The following IQCM variants were observed in gnomAD, a reference collection of about 807,000 sequenced individuals.
IQCM encodes IQ domain-containing protein M.
A neutral mutation model predicts 57.6 loss-of-function variants in IQCM; 45 were observed. The observed-to-expected ratio is 0.78, with a 90% CI of 0.62 to 1.00. The LOEUF is 1.00. IQCM is among the 50% of genes least tolerant of loss of function. The pLI is 0.00. For missense variants in IQCM, 468 were observed against 511.6 expected (o/e 0.91, Z 0.82); for synonymous variants, 148 against 158.9 (o/e 0.93, Z 0.51).
chr4:149,785,833 A>C (rs1159484118), intron 2 of IQCM, among the ~76,000 whole-genome samples: 1 of 151,470 alleles, frequency 6.6e-6, no homozygotes, highest in Non-Finnish European at 1.5e-5. Flanking sequence ...AAAAAAAAAA[A>C]ATCTTAGCCC....
chr4:149,439,134 G>A (rs1735656107), intron 12 of IQCM, among the ~76,000 whole-genome samples: 1 of 151,934 alleles, frequency 6.6e-6, no homozygotes, highest in Non-Finnish European at 1.5e-5. Context: ...TTGTGCTGTT[G>A]ATACATACCT....
At chr4:149,549,365 A>T (rs990975907) in intron 11 of IQCM, among the ~76,000 whole-genome samples, 3 of 151,894 alleles carry the variant, frequency 2.0e-5, no homozygotes, top group Non-Finnish European at 4.4e-5. Flanking sequence ...AATACAAAAA[A>T]AAATTAGCCG....
intron 5 of IQCM, among the ~76,000 whole-genome samples, chr4:149,720,684 C>G (rs1765372370): frequency 6.6e-6 from 1 of 152,064 alleles, no homozygotes; most frequent in African/African-American, 2.4e-5. Flanking sequence ...AAGAAAATTC[C>G]TGACAAGAAA....
intron 2 of IQCM, among the ~76,000 whole-genome samples, chr4:149,765,026 G>A (rs367614115): frequency 2.0e-4 from 31 of 152,064 alleles, no homozygotes; most frequent in African/African-American, 5.3e-4. Context: ...AGTTGACAGC[G>A]CTAGACATAG....
At chr4:149,780,546 T>TATATATATATATATAA (rs59087898) in intron 2 of IQCM, among the ~76,000 whole-genome samples, 27 of 150,978 alleles carry the variant, frequency 1.8e-4, no homozygotes, top group East Asian at 9.7e-4. Context: ...TATATATATA[T>TATATATATATATATAA]AAAACATATT....
At chr4:149,623,592 G>A (rs1043216945) in intron 7 of IQCM, among the ~76,000 whole-genome samples, 5 of 152,274 alleles carry the variant, frequency 3.3e-5, no homozygotes, top group East Asian at 1.9e-4. Flanking sequence ...AAAGTCAGTC[G>A]AAAGTTATAA....
In IQCM at chr4:149,730,732, T is replaced by C. The variant is rs547706870; in HGVS notation, c.385+2512A>G. Among the ~76,000 whole-genome samples the C allele has an allele frequency of 2.0e-3, 304 of 152,296 alleles. 1 individual carries two copies. Among genetic ancestry groups the C allele is most frequent in the Non-Finnish European group, 3.4e-3 (234 of 68,014 alleles). ...TAAATCTGAATCAGATATCCTCCTA[T>C]TCACTTTAAAGCAGTAGAGTTACTT... On this transcript the variant is annotated intron_variant, in intron 5 of 13. Coordinates refer to ENST00000636793, the MANE Select transcript of IQCM (RefSeq NM_001363507.2).
intron 13 of IQCM, among the ~76,000 whole-genome samples, chr4:149,372,792 G>C (rs895700311): frequency 1.3e-5 from 2 of 151,866 alleles, no homozygotes; most frequent in South Asian, 2.1e-4. Context: ...TATTGTCATA[G>C]TTCCTTGGTT....
intron 7 of IQCM, among the ~76,000 whole-genome samples, chr4:149,675,615 T>C (rs965057651): frequency 6.6e-6 from 1 of 151,934 alleles, no homozygotes; most frequent in African/African-American, 2.4e-5. Flanking sequence ...TACAAAATTA[T>C]ATAGAGTGGG....
chr4:149,706,661 A>G (rs1764182717), intron 5 of IQCM, among the ~76,000 whole-genome samples: 1 of 152,052 alleles, frequency 6.6e-6, no homozygotes, highest in South Asian at 2.1e-4. Flanking sequence ...ATGTGAAGGT[A>G]GTAAGCTTCT....
chr4:149,595,079 A>G (rs12512131), intron 8 of IQCM, among the ~76,000 whole-genome samples: 3,407 of 152,102 alleles, frequency 0.022, 99 homozygotes, highest in South Asian at 0.15. Context: ...CATTATTATT[A>G]TGTGGGAGTC....
Position 149,660,401 on chromosome 4 carries a change from T to A in IQCM, c.565+21717A>T, listed in dbSNP as rs570012987. Among the ~76,000 whole-genome samples, 88 of 152,068 alleles carry A rather than the reference T, an allele frequency of 5.8e-4. 1 individual carries two copies. The South Asian group carries it at 0.011, about 18-fold the overall frequency. On this transcript the variant is annotated intron_variant, in intron 7 of 13. Coordinates refer to ENST00000636793, the MANE Select transcript of IQCM (RefSeq NM_001363507.2). ...TGTTGGTGGGACTGTAAACTAGTTC[T>A]ACCATTGTGGAAGTCAGTGTGGCGA...
At chr4:149,494,473 T>A (rs1406687532) in intron 12 of IQCM, among the ~76,000 whole-genome samples, 2 of 152,092 alleles carry the variant, frequency 1.3e-5, no homozygotes, top group East Asian at 3.9e-4. Flanking sequence ...ACAGCCCTGA[T>A]TAGGAAACAA....
chr4:149,465,549 C>T (rs1163215506), intron 12 of IQCM, among the ~76,000 whole-genome samples: 1 of 152,114 alleles, frequency 6.6e-6, no homozygotes, highest in Non-Finnish European at 1.5e-5. Context: ...TCAACTTTCA[C>T]CCCACTATAC....
intron 9 of IQCM, among the ~76,000 whole-genome samples, chr4:149,580,132 T>C (rs559361594): frequency 5.9e-5 from 9 of 151,848 alleles, no homozygotes; most frequent in African/African-American, 2.2e-4. Context: ...CAAATACTGA[T>C]AGAAGAGAAC....
At chr4:149,613,007 T>G (rs1367164287) in intron 8 of IQCM, among the ~76,000 whole-genome samples, 2 of 152,086 alleles carry the variant, frequency 1.3e-5, no homozygotes, top group Admixed American at 6.6e-5. Context: ...TAATTTTATT[T>G]CTAAACAAAA....
rs1039507475 is a variant in IQCM at position 149,654,881 on chromosome 4, A to G, written c.565+27237T>C. Among the ~76,000 whole-genome samples the G allele has an allele frequency of 7.9e-5, 12 of 152,324 alleles. No individual in the cohort carries two copies. The South Asian group carries it at 1.2e-3, about 16-fold the overall frequency. On this transcript the variant is annotated intron_variant, in intron 7 of 13. Coordinates refer to ENST00000636793, the MANE Select transcript of IQCM (RefSeq NM_001363507.2). ...ACTTGGTAAAAAGTATGCAAAACATATAACATAATTTTTTATATTGATTGC... is the reference window on the plus strand; with the variant it reads ...ACTTGGTAAAAAGTATGCAAAACATGTAACATAATTTTTTATATTGATTGC...
At chr4:149,599,750 T>C (rs1203977240) in intron 8 of IQCM, among the ~76,000 whole-genome samples, 3 of 152,150 alleles carry the variant, frequency 2.0e-5, no homozygotes, top group Admixed American at 6.6e-5. Flanking sequence ...CTTTGGAAAC[T>C]CTAAGATTGA....
intron 12 of IQCM, among the ~76,000 whole-genome samples, chr4:149,445,049 C>T (rs189539154): frequency 1.9e-3 from 282 of 151,978 alleles, no homozygotes; most frequent in African/African-American, 6.0e-3. Context: ...GTGACTGGAT[C>T]ATAGTTACAA....
Sources: allele counts gnomAD v4.1 joint callset (sites outside exome capture counted in the v4.1 genomes callset), GRCh38; gene constraint gnomAD v4.1.1; transcripts MANE v1.5; gene names NCBI Gene and HGNC (gene_info 2026-07-23, HGNC 2026-07-21).